Variants in TSNARE1 observed in about 807,000 individuals in gnomAD.
The protein encoded by TSNARE1 is t-SNARE domain containing 1.
TSNARE1 carries 49 observed loss-of-function variants against 62.0 expected under a neutral mutation model. That is an observed-to-expected ratio of 0.79 (90% CI 0.63 to 1.00). The LOEUF is 1.00. TSNARE1 is among the 50% of genes least tolerant of loss of function. TSNARE1 has a pLI of 0.00. For synonymous variants in TSNARE1, 328 were observed against 294.4 expected (o/e 1.11, Z -1.17); for missense variants, 755 against 700.1 (o/e 1.08, Z -0.88).
rs1414264866 is a variant in TSNARE1, at chr8:142,291,254, C to T, written c.1291-6769G>A. Among the ~76,000 whole-genome samples, 4 of 151,820 alleles carry T rather than the reference C, an allele frequency of 2.6e-5. No homozygotes were observed. Among genetic ancestry groups the T allele is most frequent in the Admixed American group, 6.6e-5 (1 of 15,242 alleles). ...AGCAAAAGTCGGCTCTCCAGCATCG[C>T]GGTGAGGATGGCCTTGTGCTGGAGT... On this transcript the variant is annotated intron_variant, in intron 10 of 13. Coordinates refer to ENST00000524325, the MANE Select transcript of TSNARE1 (RefSeq NM_145003.5). This position sits in a 1 kb window ranked among gnomAD's most constrained non-coding sequence, Gnocchi z 4.8.
Position 142,330,985 on chromosome 8 carries a change from A to T in TSNARE1, c.824-15T>A. The T allele has an allele frequency of 6.2e-7, 1 of 1,613,504 alleles. No individual in the cohort carries two copies. The highest frequency in any genetic ancestry group is 1.1e-5 in the South Asian group (1 of 91,062). On this transcript the variant is annotated splice_polypyrimidine_tract_variant and intron_variant, in intron 5 of 13. Transcript: ENST00000524325. ...CAAGGAGGTCACTGCCCGAGAGAAG[A>T]GGGACAGGGTGAGGGCAGAAGGAGC...
At chr8:142,343,439 G>GGT (rs912662610) in intron 4 of TSNARE1, among the ~76,000 whole-genome samples, 1 of 151,950 alleles carries the variant, frequency 6.6e-6, no homozygotes, top group South Asian at 2.1e-4. Context: ...CCTGATTCTC[G>GGT]GTGTGTGTGT....
chr8:142,226,457 C>T (rs1053741679), intron 13 of TSNARE1, among the ~76,000 whole-genome samples: 8 of 152,174 alleles, frequency 5.3e-5, no homozygotes, highest in African/African-American at 1.9e-4. Flanking sequence ...TGCGTCTGCC[C>T]CTATTGCTTG....
chr8:142,286,719 G>A (rs1822832705), intron 10 of TSNARE1, among the ~76,000 whole-genome samples: 1 of 152,206 alleles, frequency 6.6e-6, no homozygotes, highest in African/African-American at 2.4e-5. Flanking sequence ...CACGAAGTAT[G>A]GCTCAGCCAG....
At chr8:142,264,772 A>G (rs1586897593) in intron 12 of TSNARE1, among the ~76,000 whole-genome samples, 1 of 152,196 alleles carries the variant, frequency 6.6e-6, no homozygotes, top group South Asian at 2.1e-4. Flanking sequence ...TTTCCTTCCA[A>G]TGCCCCTTTG....
intron 4 of TSNARE1, among the ~76,000 whole-genome samples, chr8:142,336,687 C>T (rs1165936225): frequency 6.6e-6 from 1 of 152,200 alleles, no homozygotes; most frequent in African/African-American, 2.4e-5. Context: ...ACACCATCAA[C>T]CAGCCTAACC....
At chr8:142,302,003 CA>C (rs1225518269) in intron 9 of TSNARE1, among the ~76,000 whole-genome samples, 2 of 152,200 alleles carry the variant, frequency 1.3e-5, no homozygotes, top group Non-Finnish European at 2.9e-5. Context: ...CCACGTGTGC[CA>C]GGCCCACTGA....
In TSNARE1 at chr8:142,265,343, A is replaced by G. The variant is rs7839815; in HGVS notation, c.1446+9438T>C. On this transcript the variant is annotated intron_variant, in intron 12 of 13. Transcript: ENST00000524325. The stretch of plus-strand genomic sequence containing the variant: ...CCTTTTGAGAATGTTACAGAAATGG[A>G]GTCACAAAGCATGGCCTTTTCGAGA... Among the ~76,000 whole-genome samples, 591 of 152,286 alleles carry G rather than the reference A, an allele frequency of 3.9e-3. 2 individuals are homozygous for G. Among genetic ancestry groups the G allele is most frequent in the African/African-American group, 0.013 (553 of 41,548 alleles).
intron 1 of TSNARE1, among the ~76,000 whole-genome samples, chr8:142,402,267 A>G (rs1391368980): frequency 6.6e-6 from 1 of 152,208 alleles, no homozygotes; most frequent in Non-Finnish European, 1.5e-5. Flanking sequence ...CACCGCTCAC[A>G]GAACTTCCTG....
chr8:142,344,721 A>G (rs1353010965), intron 3 of TSNARE1, among the ~76,000 whole-genome samples: 1 of 152,182 alleles, frequency 6.6e-6, no homozygotes, highest in Non-Finnish European at 1.5e-5. Context: ...TCTCCAAGAC[A>G]GCACACCACT....
chr8:142,283,536 G>A (rs1317947674), intron 11 of TSNARE1, among the ~76,000 whole-genome samples: 2 of 140,358 alleles, frequency 1.4e-5, no homozygotes, highest in South Asian at 2.4e-4. Flanking sequence ...GCAGAGGCGG[G>A]GCCAGTGTCT....
chr8:142,298,643 T>C (rs1035699291), intron 10 of TSNARE1, among the ~76,000 whole-genome samples: 1 of 152,178 alleles, frequency 6.6e-6, no homozygotes, highest in African/African-American at 2.4e-5. Context: ...TTTGGGCTTT[T>C]TGGCAGAATG....
At chr8:142,306,503 G>A (rs1263020757) in intron 9 of TSNARE1, among the ~76,000 whole-genome samples, 2 of 152,154 alleles carry the variant, frequency 1.3e-5, no homozygotes, top group African/African-American at 4.8e-5. Context: ...ACTGACCCTC[G>A]ACCCAGCTGA....
upstream of TSNARE1, chr8:142,405,196 C>T (rs1838565453): frequency 6.6e-6 from 1 of 152,240 alleles, no homozygotes; most frequent in Admixed American, 6.5e-5. Flanking sequence ...AAGGGGTCCT[C>T]AGGAAGGGAT....
At chr8:142,353,555 C>G (rs780918552) in intron 2 of TSNARE1, among the ~76,000 whole-genome samples, 10 of 152,224 alleles carry the variant, frequency 6.6e-5, no homozygotes, top group Non-Finnish European at 1.5e-4. Context: ...TGCTGCCATC[C>G]TATCCCAGCA....
intron 1 of TSNARE1, among the ~76,000 whole-genome samples, chr8:142,358,198 G>A (rs1834896128): frequency 1.2e-5 from 1 of 85,412 alleles, no homozygotes; most frequent in African/African-American, 8.3e-5. Context: ...GGGCGGCGGG[G>A]TCTGCTGGGT....
intron 10 of TSNARE1, chr8:142,300,098 AAGTTAC>A (rs1825465696): frequency 1.2e-5 from 2 of 165,712 alleles, no homozygotes; most frequent in African/African-American, 4.8e-5. Flanking sequence ...TTTCAAAAAA[AAGTTAC>A]TGGGAACTGC....
chr8:142,317,163 C>T (rs535251352), intron 7 of TSNARE1, among the ~76,000 whole-genome samples: 5 of 150,238 alleles, frequency 3.3e-5, no homozygotes, highest in South Asian at 2.1e-4. Context: ...GTATGGCCAG[C>T]GGCTCACACT....
rs184832072 is a variant in TSNARE1 at position 142,268,540 on chromosome 8, G to A, written c.1446+6241C>T. ...ACTGTGCAATCCCAGCTCTGTCAAC[G>A]CCCCAGCTTGGCAGATTGCACGCTG... On this transcript the variant is annotated intron_variant, in intron 12 of 13. Transcript: ENST00000524325. 1.5e-3 allele frequency among the ~76,000 whole-genome samples: 221 copies of A among 152,296 alleles called. 3 individuals are homozygous for A. The highest frequency in any genetic ancestry group is 0.01 in the Middle Eastern group (3 of 294).
Sources: gnomAD v4.1 joint callset for allele counts (sites outside exome capture counted in the v4.1 genomes callset) on GRCh38, gnomAD v4.1.1 for gene constraint, Gnocchi (gnomAD v3.1) non-coding constraint, MANE v1.5 for transcripts, NCBI Gene and HGNC (gene_info 2026-07-23, HGNC 2026-07-21) for gene names.